The following PARD3B variants were observed in gnomAD, a reference collection of about 807,000 sequenced individuals.
PARD3B encodes the protein par-3 family cell polarity regulator beta, also known as partitioning defective 3 homolog B.
A neutral mutation model predicts 130.2 loss-of-function variants in PARD3B; 103 were observed. That is an observed-to-expected ratio of 0.79 (90% confidence interval 0.67 to 0.93). PARD3B has a LOEUF of 0.93. Ranked by LOEUF, PARD3B falls within the 40% of genes least tolerant of loss-of-function variation. The pLI, the probability that PARD3B is intolerant of heterozygous loss-of-function variation, is 0.00. For missense variants in PARD3B, 1,609 were observed against 1,499.2 expected, an observed-to-expected ratio of 1.07 and a Z score of -1.21; for synonymous variants, 583 against 553.2, an observed-to-expected ratio of 1.05 and a Z score of -0.76.
chr2:205,432,046 T>C (rs1029994091), intron 19 of PARD3B, among the ~76,000 whole-genome samples: 8 of 152,198 alleles, frequency 5.3e-5, no homozygotes, highest in Non-Finnish European at 8.8e-5. Context: ...TTTAGGTAGA[T>C]GAAATACTGG....
Position 205,288,599 on chromosome 2 carries a change from T to A in PARD3B, c.2186-11931T>A, listed in dbSNP as rs2041484339. On this transcript the variant is annotated intron_variant, in intron 16 of 22. Coordinates refer to ENST00000406610, the MANE Select transcript of PARD3B (RefSeq NM_001302769.2). This position sits in a 1 kb window ranked among gnomAD's most constrained non-coding sequence, Gnocchi z 4.0. The stretch of plus-strand genomic sequence containing the variant: ...CTTCTTAGCCAGATTTCAAAGCCCT[T>A]CATGCCTTTACTTTATCCTTTCTAC... Among the ~76,000 whole-genome samples, 1 of 152,200 alleles carries A rather than the reference T, an allele frequency of 6.6e-6. No homozygotes were observed. Among genetic ancestry groups the A allele is most frequent in the Non-Finnish European group, 1.5e-5 (1 of 68,034 alleles).
chr2:205,582,847 A>G (rs987156663), intron 22 of PARD3B, among the ~76,000 whole-genome samples: 1 of 152,108 alleles, frequency 6.6e-6, no homozygotes, highest in African/African-American at 2.4e-5. Flanking sequence ...GAGGGAAAAA[A>G]AAGAAGGGAT....
At chr2:204,987,219 A>G (rs1239931787) in intron 3 of PARD3B, among the ~76,000 whole-genome samples, 1 of 152,236 alleles carries the variant, frequency 6.6e-6, no homozygotes, top group East Asian at 1.9e-4. Context: ...ACTTACTGGT[A>G]AAATGAAGAC....
chr2:204,950,930 A>T (rs1389360193), intron 2 of PARD3B, among the ~76,000 whole-genome samples: 1 of 152,174 alleles, frequency 6.6e-6, no homozygotes, highest in Non-Finnish European at 1.5e-5. Context: ...TCTGATTTCA[A>T]CTAGCAAGGT....
intron 22 of PARD3B, among the ~76,000 whole-genome samples, chr2:205,557,659 C>T (rs1010232349): frequency 3.9e-5 from 6 of 152,114 alleles, no homozygotes; most frequent in Non-Finnish European, 5.9e-5. Flanking sequence ...GTAATAGTGC[C>T]GGTATGAGTA....
chr2:205,245,636 G>T, intron 15 of PARD3B, 142 bp from the exon 16 acceptor site: 1 of 568,196 alleles, frequency 1.8e-6, no homozygotes, highest in East Asian at 2.9e-5. Flanking sequence ...GTATCCCAGG[G>T]TAGGCTGGGA....
chr2:205,026,085 T>C (rs1386850144), intron 3 of PARD3B, among the ~76,000 whole-genome samples: 1 of 152,222 alleles, frequency 6.6e-6, no homozygotes, highest in East Asian at 1.9e-4. Context: ...TTAGAAGTTA[T>C]ACATGTAAAC....
At chr2:204,772,545 G>A (rs1488744363) in intron 2 of PARD3B, among the ~76,000 whole-genome samples, 3 of 152,060 alleles carry the variant, frequency 2.0e-5, no homozygotes, top group Non-Finnish European at 2.9e-5. Context: ...AACAATTCAA[G>A]TTTAATGTAA....
chr2:205,110,800 G>A (rs947610139), intron 5 of PARD3B, among the ~76,000 whole-genome samples: 5 of 151,784 alleles, frequency 3.3e-5, no homozygotes, highest in Non-Finnish European at 5.9e-5. Context: ...CACATGTCCT[G>A]TTCACTAGTC....
At chr2:204,569,555 G>A (rs940910834) in intron 1 of PARD3B, among the ~76,000 whole-genome samples, 7 of 152,138 alleles carry the variant, frequency 4.6e-5, no homozygotes, top group African/African-American at 9.7e-5. Flanking sequence ...TGGGCTAGGC[G>A]GTGTCCATTG....
chr2:205,607,686 G>T (rs1321591944), intron 22 of PARD3B, among the ~76,000 whole-genome samples: 1 of 152,238 alleles, frequency 6.6e-6, no homozygotes, highest in East Asian at 1.9e-4. Context: ...GTTTGAAGCT[G>T]GTTACTGAGC....
intron 2 of PARD3B, among the ~76,000 whole-genome samples, chr2:204,904,530 A>G (rs1044451751): frequency 2.0e-5 from 3 of 152,172 alleles, no homozygotes; most frequent in Non-Finnish European, 4.4e-5. Context: ...CTAAATATTT[A>G]TATCTACTAT....
intron 4 of PARD3B, among the ~76,000 whole-genome samples, chr2:205,070,658 AGTTTT>A (rs1449663468): frequency 2.0e-5 from 3 of 152,146 alleles, no homozygotes; most frequent in Admixed American, 2.0e-4. Flanking sequence ...ATACATAATA[AGTTTT>A]GTTTTGTTTT....
At chr2:204,691,687 A>G in intron 2 of PARD3B, among the ~76,000 whole-genome samples, 1 of 152,212 alleles carries the variant, frequency 6.6e-6, no homozygotes, top group South Asian at 2.1e-4. Flanking sequence ...TATTAATGAT[A>G]CTATGGTAGT....
At chr2:205,533,226 C>A (rs565018265) in intron 21 of PARD3B, among the ~76,000 whole-genome samples, 1 of 147,330 alleles carries the variant, frequency 6.8e-6, no homozygotes, top group East Asian at 2.0e-4. Flanking sequence ...ATTCTCTTCT[C>A]CCAAAGGAAG....
chr2:205,581,241 G>GATATATATAA, intron 22 of PARD3B, among the ~76,000 whole-genome samples: 1 of 126,302 alleles, frequency 7.9e-6, no homozygotes, highest in Admixed American at 9.4e-5. Context: ...GATATATATA[G>GATATATATAA]ATATATATAG....
chr2:204,828,179 T>C (rs1010058631), intron 2 of PARD3B, among the ~76,000 whole-genome samples: 7 of 152,218 alleles, frequency 4.6e-5, no homozygotes, highest in African/African-American at 1.7e-4. Context: ...GCATCACAGT[T>C]AACCTCTAAG....
intron 2 of PARD3B, among the ~76,000 whole-genome samples, chr2:204,925,316 C>T (rs539489358): frequency 6.6e-6 from 1 of 152,104 alleles, no homozygotes; most frequent in East Asian, 1.9e-4. Flanking sequence ...AGAAATAAAT[C>T]AATTTTTATT....
At chr2:204,733,479 CTT>C (rs34103852) in intron 2 of PARD3B, among the ~76,000 whole-genome samples, 82,061 of 127,010 alleles carry the variant, frequency 0.65, 25,239 homozygotes, top group South Asian at 0.71. Context: ...CCTTGACAGG[CTT>C]TTTTTTTTTT....
Sources: gnomAD v4.1 joint callset for allele counts (sites outside exome capture counted in the v4.1 genomes callset) on GRCh38, gnomAD v4.1.1 for gene constraint, Gnocchi (gnomAD v3.1) non-coding constraint, MANE v1.5 for transcripts, NCBI Gene and HGNC (gene_info 2026-07-23, HGNC 2026-07-21) for gene names.